Variants in LRP1B observed in about 807,000 individuals in gnomAD.
LRP1B encodes the protein low-density lipoprotein receptor-related protein 1B.
In LRP1B, 217 loss-of-function variants were observed where a neutral mutation model predicts 556.6. The ratio of observed to expected loss-of-function variants is 0.39; its 90% CI spans 0.35 to 0.44. The LOEUF is 0.44. Among genes scored for constraint, LRP1B ranks in the 20% least tolerant of loss-of-function variants. The probability of loss-of-function intolerance (pLI) is 1.00; values close to 1 mark genes in which losing one functional copy is unlikely to be tolerated. For synonymous variants in LRP1B, 2,047 were observed against 1,865.8 expected (o/e 1.10, Z -2.50); for missense variants, 5,053 against 5,620.8 (o/e 0.90, Z 3.23).
intron 2 of LRP1B, among the ~76,000 whole-genome samples, chr2:141,690,144 T>C (rs1055401768): frequency 6.6e-6 from 1 of 151,544 alleles, no homozygotes; most frequent in Non-Finnish European, 1.5e-5. Context: ...AATACATAGC[T>C]TGAAGGCAAA....
chr2:140,321,049 G>A (rs1015780759), intron 82 of LRP1B, among the ~76,000 whole-genome samples: 6 of 152,026 alleles, frequency 3.9e-5, no homozygotes, highest in Non-Finnish European at 7.4e-5. Flanking sequence ...GCAACACTCT[G>A]TCTCAGTAAG....
chr2:141,470,942 T>C (rs1682439075), intron 3 of LRP1B, among the ~76,000 whole-genome samples: 2 of 152,334 alleles, frequency 1.3e-5, no homozygotes, highest in South Asian at 4.1e-4. Flanking sequence ...TAAACATACC[T>C]TCCAAATTTC....
intron 46 of LRP1B, among the ~76,000 whole-genome samples, chr2:140,535,029 C>A (rs1558950236): frequency 6.6e-6 from 1 of 152,162 alleles, no homozygotes; most frequent in Admixed American, 6.5e-5. Context: ...TGCCCATAGG[C>A]CAGATCTAGC....
intron 6 of LRP1B, among the ~76,000 whole-genome samples, chr2:141,189,837 G>A (rs1457337819): frequency 6.6e-6 from 1 of 151,882 alleles, no homozygotes; most frequent in African/African-American, 2.4e-5. Flanking sequence ...AATATATGCC[G>A]CTTTGAACTT....
chr2:141,470,366 T>A (rs1682415592), intron 3 of LRP1B, among the ~76,000 whole-genome samples: 1 of 152,204 alleles, frequency 6.6e-6, no homozygotes, highest in Non-Finnish European at 1.5e-5. Context: ...TCAAGCTAGT[T>A]ACATAGTTGT....
chr2:141,946,192 A>C (rs1700950282), intron 1 of LRP1B, among the ~76,000 whole-genome samples: 1 of 151,970 alleles, frequency 6.6e-6, no homozygotes, highest in Non-Finnish European at 1.5e-5. Context: ...TATGATCACA[A>C]AGTTCTTCCT....
intron 3 of LRP1B, among the ~76,000 whole-genome samples, chr2:141,329,998 T>C (rs1290805178): frequency 1.2e-5 from 1 of 81,938 alleles, no homozygotes; most frequent in African/African-American, 5.2e-5. Flanking sequence ...CTGACTATTA[T>C]AGATAAAAAA....
At chr2:140,634,310 G>A (rs545050763) in intron 41 of LRP1B, among the ~76,000 whole-genome samples, 2 of 152,148 alleles carry the variant, frequency 1.3e-5, no homozygotes, top group East Asian at 3.9e-4. Context: ...CTTGATCACA[G>A]CTAACATACA....
rs576806285 is a variant in LRP1B at position 141,689,660 on chromosome 2, A to G, written c.205+120619T>C. ...ATAATAGATCATTTTCTTCTCTTTT[A>G]TCAATGACTAATTAGTGATGGAAAT... On this transcript the variant is annotated intron_variant, in intron 2 of 90. Coordinates refer to ENST00000389484, the MANE Select transcript of LRP1B (RefSeq NM_018557.3). 9.2e-5 allele frequency among the ~76,000 whole-genome samples: 14 copies of G among 151,896 alleles called. No individual in the cohort carries two copies. In the East Asian group the frequency reaches 2.5e-3, roughly 27 times the overall value.
At chr2:141,118,587 C>A (rs1193789213) in intron 7 of LRP1B, among the ~76,000 whole-genome samples, 2 of 151,904 alleles carry the variant, frequency 1.3e-5, no homozygotes, top group Non-Finnish European at 2.9e-5. Flanking sequence ...ATAAGTAGTA[C>A]ATTTCACTGA....
intron 43 of LRP1B, among the ~76,000 whole-genome samples, chr2:140,583,832 C>T (rs549482402): frequency 6.6e-6 from 1 of 151,828 alleles, no homozygotes; most frequent in Non-Finnish European, 1.5e-5. Flanking sequence ...CATTTTAAAT[C>T]AAAGGACTAT....
chr2:141,724,261 A>AT (rs1429751951), intron 2 of LRP1B, among the ~76,000 whole-genome samples: 1 of 151,966 alleles, frequency 6.6e-6, no homozygotes, highest in Non-Finnish European at 1.5e-5. Flanking sequence ...TAAGTTGGTG[A>AT]TAAAATTACC....
At chr2:140,678,770 CTTTT>C (rs35395485) in intron 41 of LRP1B, among the ~76,000 whole-genome samples, 2 of 136,190 alleles carry the variant, frequency 1.5e-5, no homozygotes, top group Admixed American at 7.4e-5. Flanking sequence ...TTCAATCTCC[CTTTT>C]TTTTTTTTTT....
intron 1 of LRP1B, among the ~76,000 whole-genome samples, chr2:141,891,983 G>C (rs1699307669): frequency 6.6e-6 from 1 of 151,906 alleles, no homozygotes; most frequent in African/African-American, 2.4e-5. Flanking sequence ...ACATTCATTT[G>C]TCTCTAAGTT....
At chr2:140,417,005 A>G (rs932749143) in intron 66 of LRP1B, among the ~76,000 whole-genome samples, 1 of 152,200 alleles carries the variant, frequency 6.6e-6, no homozygotes. Context: ...AGAAAACTGC[A>G]TTTAAAAGAA....
rs1459856124 is a variant in LRP1B, at chr2:140,357,907, C to T, written c.11395+72G>A. 11 of 1,525,384 alleles carry T rather than the reference C, an allele frequency of 7.2e-6. No individual in the cohort carries two copies. In the South Asian group the frequency reaches 8.4e-5, roughly 12 times the overall value. The allele number at this position is 1,525,384 out of a possible 1,614,324, so 94.5% of individuals were successfully genotyped here. ...TGAAGAGCAATATTTCCATCCAGAA[C>T]ATTTTAGTCATGTACAAGCAGAAGT... is the stretch of plus-strand genomic sequence containing the variant. On this transcript the variant is annotated intron_variant, in intron 74 of 90. Transcript: ENST00000389484.
At chr2:140,252,112 A>G (rs1463695449) in intron 86 of LRP1B, among the ~76,000 whole-genome samples, 1 of 145,166 alleles carries the variant, frequency 6.9e-6, no homozygotes, top group Non-Finnish European at 1.5e-5. Flanking sequence ...AAAAAAACAG[A>G]AAAAAAACCT....
intron 1 of LRP1B, among the ~76,000 whole-genome samples, chr2:141,830,617 C>G (rs1697082891): frequency 6.6e-6 from 1 of 151,734 alleles, no homozygotes. Flanking sequence ...TGAAATAGCT[C>G]TTTCAGTGGG....
At chr2:141,829,674 T>C (rs988577568) in intron 1 of LRP1B, among the ~76,000 whole-genome samples, 7 of 152,006 alleles carry the variant, frequency 4.6e-5, no homozygotes, top group African/African-American at 1.7e-4. Context: ...TCGTATTTTT[T>C]TTCAGTGGCT....
Sources: gnomAD v4.1 joint callset for allele counts (sites outside exome capture counted in the v4.1 genomes callset) on GRCh38, gnomAD v4.1.1 for gene constraint, MANE v1.5 for transcripts, NCBI Gene and HGNC (gene_info 2026-07-23, HGNC 2026-07-21) for gene names.